TEAD1: variants seen among roughly 807,000 people sequenced by gnomAD.
The protein encoded by TEAD1 is TEA domain transcription factor 1, also known as transcriptional enhancer factor TEF-1.
A neutral mutation model predicts 54.9 loss-of-function variants in TEAD1; 9 were observed. That is an observed-to-expected ratio of 0.16 (90% CI 0.10 to 0.29). The LOEUF (loss-of-function observed/expected upper bound fraction) is 0.29, where lower values mean the gene tolerates loss of function less well. Ranked by LOEUF, TEAD1 falls within the 10% of genes least tolerant of loss-of-function variation. TEAD1 has a pLI of 1.00. For synonymous variants in TEAD1, 200 were observed against 187.8 expected (o/e 1.07, Z -0.53); for missense variants, 387 against 535.9 (o/e 0.72, Z 2.74).
At chr11:12,807,831 G>T (rs1245573756) in intron 3 of TEAD1, among the ~76,000 whole-genome samples, 1 of 152,168 alleles carries the variant, frequency 6.6e-6, no homozygotes, top group Admixed American at 6.5e-5. Flanking sequence ...GCCAGACCTG[G>T]ACAGGTACTG....
chr11:12,935,023 A>G (rs1406747140), intron 12 of TEAD1, among the ~76,000 whole-genome samples: 1 of 152,158 alleles, frequency 6.6e-6, no homozygotes, highest in Non-Finnish European at 1.5e-5. Flanking sequence ...CCATGGGTAC[A>G]TACTTAGGTA....
chr11:12,865,493 CGCT>C (rs1216351071), intron 5 of TEAD1: 1 of 152,684 alleles, frequency 6.5e-6, no homozygotes, highest in Non-Finnish European at 1.5e-5. Context: ...AAGTGAATGG[CGCT>C]CTTATTAAAA....
chr11:12,920,112 A>G (rs1948777220), intron 10 of TEAD1, among the ~76,000 whole-genome samples: 1 of 152,190 alleles, frequency 6.6e-6, no homozygotes. Flanking sequence ...AATTTTAAAT[A>G]ACTGAAGTAG....
intron 3 of TEAD1, among the ~76,000 whole-genome samples, chr11:12,783,222 T>G (rs1945601209): frequency 6.9e-6 from 1 of 145,634 alleles, no homozygotes; most frequent in African/African-American, 2.6e-5. Context: ...TAAGGCAGTG[T>G]CTGGGGGAAC....
At chr11:12,696,629 G>A (rs1036649046) in intron 2 of TEAD1, among the ~76,000 whole-genome samples, 13 of 152,120 alleles carry the variant, frequency 8.5e-5, no homozygotes, top group African/African-American at 2.7e-4. Flanking sequence ...TAATGAACTC[G>A]TATTCCCTTA....
intron 3 of TEAD1, among the ~76,000 whole-genome samples, chr11:12,860,858 A>ATG (rs1947485318): frequency 5.3e-5 from 8 of 152,156 alleles, no homozygotes; most frequent in Non-Finnish European, 1.0e-4. Flanking sequence ...GAACAAGGCA[A>ATG]CCAAACCTAG....
intron 4 of TEAD1, among the ~76,000 whole-genome samples, chr11:12,864,384 C>G (rs1781805443): frequency 6.6e-6 from 1 of 151,988 alleles, no homozygotes. Flanking sequence ...TAGTTTTTCC[C>G]AGTGCCCATG....
chr11:12,909,180 C>G (rs901919758), intron 10 of TEAD1, among the ~76,000 whole-genome samples: 9 of 152,156 alleles, frequency 5.9e-5, no homozygotes, highest in African/African-American at 1.9e-4. Context: ...TCTGTAGAAA[C>G]AATGATTACT....
chr11:12,881,582 C>T (rs1947968859), intron 7 of TEAD1, among the ~76,000 whole-genome samples: 1 of 152,226 alleles, frequency 6.6e-6, no homozygotes, highest in African/African-American at 2.4e-5. Flanking sequence ...TGAAGCATGT[C>T]CCACACTTTG....
intron 2 of TEAD1, among the ~76,000 whole-genome samples, chr11:12,717,382 A>G (rs928491263): frequency 1.3e-5 from 2 of 152,160 alleles, no homozygotes; most frequent in African/African-American, 2.4e-5. Flanking sequence ...GTCTTGACTG[A>G]TGGAAGCTTT....
At chr11:12,876,178 C>T (rs1947850290) in intron 5 of TEAD1, among the ~76,000 whole-genome samples, 1 of 152,130 alleles carries the variant, frequency 6.6e-6, no homozygotes, top group African/African-American at 2.4e-5. Flanking sequence ...CTTACTTTAA[C>T]AGAAGAAAAA....
At chr11:12,750,922 T>C (rs1222391542) in intron 2 of TEAD1, among the ~76,000 whole-genome samples, 3 of 152,236 alleles carry the variant, frequency 2.0e-5, no homozygotes, top group Admixed American at 1.3e-4. Context: ...CCTGTTCATA[T>C]TCACCCATTG....
chr11:12,896,442 G>A (rs945444841), intron 9 of TEAD1, among the ~76,000 whole-genome samples: 1 of 152,188 alleles, frequency 6.6e-6, no homozygotes, highest in Non-Finnish European at 1.5e-5. Context: ...AAGTTGCAAG[G>A]AAGGTCAGTT....
chr11:12,700,076 T>C (rs1943664737), intron 2 of TEAD1, among the ~76,000 whole-genome samples: 1 of 152,234 alleles, frequency 6.6e-6, no homozygotes, highest in Non-Finnish European at 1.5e-5. Flanking sequence ...CATCTCCCTT[T>C]TAGGTCATTC....
intron 10 of TEAD1, among the ~76,000 whole-genome samples, chr11:12,907,982 T>C (rs573122098): frequency 6.6e-6 from 1 of 152,304 alleles, no homozygotes; most frequent in South Asian, 2.1e-4. Flanking sequence ...AGTCCTGTCA[T>C]TATGAGATGC....
rs932313104 is a variant in TEAD1 at position 12,940,733 on chromosome 11, ATT to A, written c.*3514_*3515del. 6.6e-6 allele frequency: 1 copy of A among 151,816 alleles called. No homozygotes were observed. Among genetic ancestry groups the A allele is most frequent in the Admixed American group, 6.6e-5 (1 of 15,248 alleles). 9.4% of individuals were successfully genotyped at this position (151,816 alleles called of 1,614,324 possible). Reference sequence around the variant, plus strand: ...ACTGGCGTTAAAAAAAGTCTCAGCAATTTTCATTATTTCTCGTGGGTCTCATT... The same window carrying A: ...ACTGGCGTTAAAAAAAGTCTCAGCAATTCATTATTTCTCGTGGGTCTCATT... On this transcript the variant is annotated 3_prime_UTR_variant, in exon 13 of 13. Transcript: ENST00000527636.
Position 12,883,065 on chromosome 11 carries a change from A to G in TEAD1, c.639A>G (p.Thr213=). ...CCTGGCAAGGTCGCTCCATTGGCAC[A>G]ACCAAGCTTCGCCTGGTGGAATTTT... The change falls in exon 9 of 13, where the codon ACA becomes ACG. Residue 213 remains threonine, a synonymous_variant. Coordinates refer to ENST00000527636, the MANE Select transcript of TEAD1 (RefSeq NM_021961.6). The G allele has an allele frequency of 5.6e-6, 9 of 1,614,156 alleles. No homozygotes were observed. The highest frequency in any genetic ancestry group is 1.1e-5 in the South Asian group (1 of 91,076).
At chr11:12,858,385 TAAAAG>T (rs1947434895) in intron 3 of TEAD1, among the ~76,000 whole-genome samples, 4 of 152,302 alleles carry the variant, frequency 2.6e-5, no homozygotes, top group East Asian at 1.9e-4. Flanking sequence ...TTCAAGTAAT[TAAAAG>T]AAATAATTTG....
At chr11:12,859,528 C>A (rs932987327) in intron 3 of TEAD1, among the ~76,000 whole-genome samples, 5 of 152,140 alleles carry the variant, frequency 3.3e-5, no homozygotes, top group Admixed American at 6.5e-5. Context: ...AGCGAGCCTT[C>A]AAGACAAATT....
Sources: allele counts gnomAD v4.1 joint callset (sites outside exome capture counted in the v4.1 genomes callset), GRCh38; gene constraint gnomAD v4.1.1; transcripts MANE v1.5; gene names NCBI Gene and HGNC (gene_info 2026-07-23, HGNC 2026-07-21).